RIT2: variants seen among roughly 807,000 people sequenced by gnomAD.
The protein encoded by RIT2 is GTP-binding protein Rit2.
RIT2 carries 24 observed loss-of-function variants against 23.7 expected under a neutral mutation model. The ratio of observed to expected loss-of-function variants is 1.01; its 90% CI spans 0.73 to 1.43. The LOEUF (loss-of-function observed/expected upper bound fraction) is 1.43, where lower values mean the gene tolerates loss of function less well. Among genes scored for constraint, RIT2 ranks in the 40% most tolerant of loss-of-function variants. The pLI is 0.00. For missense variants in RIT2, 236 were observed against 266.9 expected (o/e 0.88, Z 0.81); for synonymous variants, 107 against 91.1 (o/e 1.17, Z -0.99).
At chr18:43,092,199 C>T (rs1253493863) in intron 1 of RIT2, among the ~76,000 whole-genome samples, 1 of 152,102 alleles carries the variant, frequency 6.6e-6, no homozygotes, top group Non-Finnish European at 1.5e-5. Flanking sequence ...GCAGTTACCT[C>T]TCCCCAGGAA....
chr18:42,994,349 G>A (rs547519898), intron 2 of RIT2, among the ~76,000 whole-genome samples: 2 of 152,194 alleles, frequency 1.3e-5, no homozygotes, highest in African/African-American at 2.4e-5. Flanking sequence ...TCTCCCTGCC[G>A]ATCGTGTCCG....
chr18:43,098,085 A>G (rs1390691218), intron 1 of RIT2, among the ~76,000 whole-genome samples: 2 of 151,888 alleles, frequency 1.3e-5, no homozygotes, highest in Non-Finnish European at 2.9e-5. Context: ...GAGATGTAAA[A>G]TATGTCACTT....
chr18:42,956,234 C>T (rs1909968155), intron 3 of RIT2, among the ~76,000 whole-genome samples: 1 of 152,142 alleles, frequency 6.6e-6, no homozygotes, highest in African/African-American at 2.4e-5. Context: ...TACCCACACT[C>T]CACATCTCTG....
At chr18:42,890,009 A>C (rs1908128095) in intron 4 of RIT2, among the ~76,000 whole-genome samples, 1 of 152,074 alleles carries the variant, frequency 6.6e-6, no homozygotes, top group South Asian at 2.1e-4. Context: ...TCAGCCTCTG[A>C]GTGACTAAAT....
At chr18:43,026,580 GAAA>G (rs1911726649) in intron 2 of RIT2, among the ~76,000 whole-genome samples, 1 of 63,862 alleles carries the variant, frequency 1.6e-5, no homozygotes, top group Admixed American at 1.6e-4. Context: ...AAATAAGAAA[GAAA>G]GAAAGAAAGA....
intron 4 of RIT2, among the ~76,000 whole-genome samples, chr18:42,807,160 A>G (rs1052902261): frequency 2.6e-5 from 4 of 152,196 alleles, no homozygotes; most frequent in Non-Finnish European, 5.9e-5. Context: ...CTTAAATTTC[A>G]AAAAAGAAAG....
intron 4 of RIT2, among the ~76,000 whole-genome samples, chr18:42,908,761 TA>T (rs1355415111): frequency 6.6e-6 from 1 of 152,126 alleles, no homozygotes; most frequent in Non-Finnish European, 1.5e-5. Flanking sequence ...GATTTATCAT[TA>T]AAGAGTAACC....
At chr18:42,780,182 G>A (rs565950738) in intron 4 of RIT2, among the ~76,000 whole-genome samples, 2 of 149,330 alleles carry the variant, frequency 1.3e-5, no homozygotes, top group East Asian at 2.1e-4. Flanking sequence ...GGAGGCAGAA[G>A]TTATAGTCAA....
intron 2 of RIT2, among the ~76,000 whole-genome samples, chr18:42,997,243 T>C (rs531631118): frequency 1.3e-5 from 2 of 152,210 alleles, no homozygotes; most frequent in Non-Finnish European, 2.9e-5. Context: ...TTTTATGTGG[T>C]TAGGGGCTAT....
At chr18:43,082,752 A>G (rs1020172532) in intron 1 of RIT2, among the ~76,000 whole-genome samples, 2 of 152,150 alleles carry the variant, frequency 1.3e-5, no homozygotes, top group Non-Finnish European at 2.9e-5. Flanking sequence ...AGAGCTATTT[A>G]TGACAAACCC....
intron 1 of RIT2, among the ~76,000 whole-genome samples, chr18:43,045,536 C>T (rs1389641993): frequency 6.6e-6 from 1 of 152,144 alleles, no homozygotes; most frequent in African/African-American, 2.4e-5. Flanking sequence ...AGCATTAAGG[C>T]ACCCGTGATT....
At chr18:42,880,804 CTTTTTTTTT>C (rs397966126) in intron 4 of RIT2, among the ~76,000 whole-genome samples, 1 of 115,560 alleles carries the variant, frequency 8.7e-6, no homozygotes, top group Non-Finnish European at 1.7e-5. Flanking sequence ...CTTCCTACCT[CTTTTTTTTT>C]TTTTTTTTTT....
At chr18:42,915,806 T>C (rs1908893337) in intron 4 of RIT2, among the ~76,000 whole-genome samples, 1 of 152,006 alleles carries the variant, frequency 6.6e-6, no homozygotes. Flanking sequence ...ATATAAACAT[T>C]ATGTTTAAAA....
intron 4 of RIT2, among the ~76,000 whole-genome samples, chr18:42,920,387 A>G (rs1909024354): frequency 6.6e-6 from 1 of 152,188 alleles, no homozygotes; most frequent in Non-Finnish European, 1.5e-5. Context: ...TCATATGTAA[A>G]TAGGTATAAA....
At chr18:42,842,542 C>A (rs1205499516) in intron 4 of RIT2, among the ~76,000 whole-genome samples, 2 of 152,026 alleles carry the variant, frequency 1.3e-5, no homozygotes, top group African/African-American at 4.8e-5. Flanking sequence ...TATAAATATG[C>A]TTCTCAGATA....
chr18:42,990,064 C>T (rs1910805692), intron 2 of RIT2, among the ~76,000 whole-genome samples: 1 of 150,568 alleles, frequency 6.6e-6, no homozygotes, highest in South Asian at 2.1e-4. Flanking sequence ...GTAAGGAATA[C>T]AATAATGGAG....
chr18:43,037,060 C>CT (rs1911997890), intron 1 of RIT2, among the ~76,000 whole-genome samples: 1 of 152,226 alleles, frequency 6.6e-6, no homozygotes, highest in African/African-American at 2.4e-5. Flanking sequence ...TAATTCTATC[C>CT]TTTTTTCAGA....
intron 4 of RIT2, among the ~76,000 whole-genome samples, chr18:42,756,738 A>G (rs1191444506): frequency 1.3e-5 from 2 of 152,174 alleles, no homozygotes; most frequent in African/African-American, 4.8e-5. Context: ...TGTTTGATGT[A>G]TATTAAATCA....
chr18:42,800,065 AAGC>A (rs1402242057), intron 4 of RIT2, among the ~76,000 whole-genome samples: 1 of 152,220 alleles, frequency 6.6e-6, no homozygotes, highest in Non-Finnish European at 1.5e-5. Context: ...GCACTTTGAA[AAGC>A]AGTCTGGCTC....
Sources: gnomAD v4.1 joint callset for allele counts (sites outside exome capture counted in the v4.1 genomes callset) on GRCh38, gnomAD v4.1.1 for gene constraint, MANE v1.5 for transcripts, NCBI Gene and HGNC (gene_info 2026-07-23, HGNC 2026-07-21) for gene names.